Variants in AHR observed in about 807,000 individuals in gnomAD.
The protein encoded by AHR is AH-receptor.
A neutral mutation model predicts 86.8 loss-of-function variants in AHR; 40 were observed. The ratio of observed to expected loss-of-function variants is 0.46; its 90% CI spans 0.36 to 0.60. The LOEUF (loss-of-function observed/expected upper bound fraction) is 0.60. AHR is among the 20% of genes least tolerant of loss of function. The probability of loss-of-function intolerance (pLI) is 0.00; values close to 1 mark genes in which losing one functional copy is unlikely to be tolerated. For synonymous variants in AHR, 398 were observed against 354.9 expected, an observed-to-expected ratio of 1.12 and a Z score of -1.37; for missense variants, 1,001 against 1,011.6, an observed-to-expected ratio of 0.99 and a Z score of 0.14.
At chr7:17,323,565 T>G (rs1406219010) in intron 3 of AHR, among the ~76,000 whole-genome samples, 1 of 152,178 alleles carries the variant, frequency 6.6e-6, no homozygotes, top group African/African-American at 2.4e-5. Flanking sequence ...CCATGTGTGC[T>G]GTCACCGCTA....
intron 1 of AHR, among the ~76,000 whole-genome samples, chr7:17,306,085 AG>A (rs1339174905): frequency 1.3e-5 from 2 of 152,192 alleles, no homozygotes; most frequent in East Asian, 3.8e-4. Flanking sequence ...GGTCTATTTC[AG>A]GAGATGTTTG....
intron 1 of AHR, among the ~76,000 whole-genome samples, chr7:17,304,428 C>T (rs1349362064): frequency 6.6e-6 from 1 of 152,046 alleles, no homozygotes; most frequent in African/African-American, 2.4e-5. Context: ...TTCTTTTCTA[C>T]CATCTTCCTG....
intron 5 of AHR, 133 bp from the exon 6 acceptor site, chr7:17,330,623 C>T: frequency 1.4e-6 from 1 of 708,438 alleles, no homozygotes. Context: ...TTGTCATTAG[C>T]TCTTTTGAAA....
chr7:17,333,533 T>C (rs1376091208), intron 6 of AHR, among the ~76,000 whole-genome samples: 2 of 151,984 alleles, frequency 1.3e-5, no homozygotes, highest in African/African-American at 4.8e-5. Context: ...AGTTCATGTA[T>C]GCTTGAAAAT....
chr7:17,329,739 C>A, intron 4 of AHR: 2 of 343,564 alleles, frequency 5.8e-6, no homozygotes, highest in Non-Finnish European at 1.1e-5. Context: ...GAACTGATGA[C>A]AAGTAACTTT....
intron 5 of AHR, 115 bp from the exon 6 acceptor site, chr7:17,330,641 T>C: frequency 1.1e-6 from 1 of 896,540 alleles, no homozygotes; most frequent in South Asian, 4.1e-5. Context: ...AAAATGATTT[T>C]TTTGTATTCA....
chr7:17,325,424 A>G (rs1239854576), intron 3 of AHR, among the ~76,000 whole-genome samples: 5 of 152,320 alleles, frequency 3.3e-5, no homozygotes, highest in Non-Finnish European at 7.4e-5. Flanking sequence ...TCAATGGATA[A>G]TCTTCCCTAG....
chr7:17,338,192 C>A (rs1469635440), intron 9 of AHR, among the ~76,000 whole-genome samples: 11 of 147,944 alleles, frequency 7.4e-5, no homozygotes, highest in Admixed American at 4.0e-4. Flanking sequence ...GAGCGAGACT[C>A]CGTCTCAAAA....
At chr7:17,322,435 G>A in intron 2 of AHR, 66 bp from the exon 3 acceptor site, 1 of 1,057,754 alleles carries the variant, frequency 9.5e-7, no homozygotes, top group Non-Finnish European at 1.4e-6. Context: ...GTGTTCAGAA[G>A]TTTTCTATTA....
chr7:17,319,808 G>A, intron 2 of AHR, among the ~76,000 whole-genome samples: 1 of 152,006 alleles, frequency 6.6e-6, no homozygotes, highest in East Asian at 1.9e-4. Flanking sequence ...TTCATGCAGG[G>A]GTAGACATTA....
At chr7:17,332,667 C>G (rs1782313177) in intron 6 of AHR, among the ~76,000 whole-genome samples, 1 of 151,882 alleles carries the variant, frequency 6.6e-6, no homozygotes, top group African/African-American at 2.4e-5. Flanking sequence ...AGTGTTATTA[C>G]AGAAGAGTCA....
In AHR at chr7:17,344,386, A is replaced by G. The variant is rs894929237; in HGVS notation, c.*1322A>G. On this transcript the variant is annotated 3_prime_UTR_variant, in exon 11 of 11. Coordinates refer to ENST00000242057, the MANE Select transcript of AHR (RefSeq NM_001621.5). ...TCATTTTAAAAAGTCCATACCTTAT[A>G]TATGCACTTAATTTGTTGGGGCTTT... 6.5e-6 allele frequency: 1 copy of G among 152,758 alleles called. No individual in the cohort carries two copies. Among genetic ancestry groups the G allele is most frequent in the South Asian group, 2.1e-4 (1 of 4,828 alleles). 9.5% of individuals were successfully genotyped at this position (152,758 alleles called of 1,614,324 possible). A position where few individuals can be genotyped will look rare whatever the true frequency, so the allele number is the denominator to read the frequency against.
chr7:17,342,129 A>T (rs886896186), intron 10 of AHR, among the ~76,000 whole-genome samples: 2 of 152,138 alleles, frequency 1.3e-5, no homozygotes, highest in African/African-American at 4.8e-5. Context: ...ATTTTATTTG[A>T]AGCAATTAAG....
intron 2 of AHR, among the ~76,000 whole-genome samples, chr7:17,316,612 A>G (rs547211896): frequency 4.1e-4 from 63 of 152,284 alleles, no homozygotes; most frequent in African/African-American, 1.5e-3. Context: ...TCACACACAC[A>G]CAAAAGACGG....
chr7:17,311,952 T>G (rs1782069354), intron 2 of AHR, among the ~76,000 whole-genome samples: 1 of 152,212 alleles, frequency 6.6e-6, no homozygotes, highest in Non-Finnish European at 1.5e-5. Context: ...CTTAAAAGTG[T>G]AGTATCCAGA....
intron 2 of AHR, among the ~76,000 whole-genome samples, chr7:17,319,406 AGGTCT>A (rs1266111903): frequency 7.9e-5 from 12 of 152,260 alleles, no homozygotes; most frequent in African/African-American, 2.9e-4. Flanking sequence ...TCACACACTG[AGGTCT>A]GGCTACCTGA....
chr7:17,317,430 G>T (rs905968450), intron 2 of AHR, among the ~76,000 whole-genome samples: 9 of 151,962 alleles, frequency 5.9e-5, no homozygotes, highest in Admixed American at 5.3e-4. Flanking sequence ...CTGTTATTGC[G>T]CTATGTCTTA....
At chr7:17,321,417 C>A (rs187607497) in intron 2 of AHR, among the ~76,000 whole-genome samples, 3 of 151,942 alleles carry the variant, frequency 2.0e-5, no homozygotes, top group African/African-American at 7.2e-5. Context: ...ATAACTCCCA[C>A]TTTTAGTAAA....
rs1161947711 is a variant in AHR, at chr7:17,299,027, C to G, written c.-238C>G. The G allele has an allele frequency of 4.2e-6, 2 of 479,260 alleles. No individual in the cohort carries two copies. The highest frequency in any genetic ancestry group is 2.0e-5 in the African/African-American group (1 of 48,958). The allele number at this position is 479,260 out of a possible 1,614,324, so 29.7% of individuals were successfully genotyped here. A position where few individuals can be genotyped will look rare whatever the true frequency, so the allele number is the denominator to read the frequency against. On this transcript the variant is annotated 5_prime_UTR_variant, in exon 1 of 11. Coordinates refer to ENST00000242057, the MANE Select transcript of AHR (RefSeq NM_001621.5). Reference sequence around the variant, plus strand: ...TTGCTCGCGGGTCTCCGCCCCTCGCCCACCCTCACTGCGCCAGGCCCAGGC... The same window carrying G: ...TTGCTCGCGGGTCTCCGCCCCTCGCGCACCCTCACTGCGCCAGGCCCAGGC...
Sources: allele counts gnomAD v4.1 joint callset (sites outside exome capture counted in the v4.1 genomes callset), GRCh38; gene constraint gnomAD v4.1.1; transcripts MANE v1.5; gene names NCBI Gene and HGNC (gene_info 2026-07-23, HGNC 2026-07-21).